NFX1: variants seen among roughly 807,000 people sequenced by gnomAD.
The protein encoded by NFX1 is transcriptional repressor NF-X1.
A neutral mutation model predicts 137.2 loss-of-function variants in NFX1; 69 were observed. The ratio of observed to expected loss-of-function variants is 0.50; its 90% CI spans 0.41 to 0.61. The LOEUF (loss-of-function observed/expected upper bound fraction) is 0.61. Ranked by LOEUF, NFX1 falls within the 20% of genes least tolerant of loss-of-function variation. The probability of loss-of-function intolerance (pLI) is 0.00; values close to 1 mark genes in which losing one functional copy is unlikely to be tolerated. For synonymous variants in NFX1, 495 were observed against 474.1 expected, an observed-to-expected ratio of 1.04 and a Z score of -0.57; for missense variants, 1,167 against 1,391.0, an observed-to-expected ratio of 0.84 and a Z score of 2.56.
At chr9:33,307,667 G>T (rs529487425) in intron 5 of NFX1, among the ~76,000 whole-genome samples, 1 of 152,074 alleles carries the variant, frequency 6.6e-6, no homozygotes, top group East Asian at 1.9e-4. Context: ...GTTTTATCCC[G>T]CATTGATATC....
rs76670044 is a variant in NFX1 at position 33,352,889 on chromosome 9, T to C, written c.2729+170T>C. On this transcript the variant is annotated intron_variant, in intron 17 of 23. Transcript: ENST00000379540. ...ACTGCACAGATACATGTGTTTATCA[T>C]AGTATCCTTGCAACTTTTCTAAAAG... 1,368 of 578,434 alleles carry C rather than the reference T, an allele frequency of 2.4e-3. 20 individuals are homozygous for C. Among genetic ancestry groups the C allele is most frequent in the African/African-American group, 0.022 (1,185 of 53,244 alleles). The allele number at this position is 578,434 out of a possible 1,614,324, so 35.8% of individuals were successfully genotyped here. A position where few individuals can be genotyped will look rare whatever the true frequency, so the allele number is the denominator to read the frequency against.
At chr9:33,346,751 GGACCATATGGCTGTGCTGCAAGA>G (rs1376175841) in intron 14 of NFX1, among the ~76,000 whole-genome samples, 1 of 152,192 alleles carries the variant, frequency 6.6e-6, no homozygotes, top group Non-Finnish European at 1.5e-5. Flanking sequence ...AGAATTGGAT[GGACCATATGGCTGTGCTGCAAGA>G]GATGAGATGG....
intron 19 of NFX1, among the ~76,000 whole-genome samples, chr9:33,356,371 C>T (rs547590153): frequency 1.3e-5 from 2 of 152,058 alleles, no homozygotes; most frequent in Admixed American, 1.3e-4. Flanking sequence ...AATATGAGTC[C>T]TTTGTTGGCT....
intron 11 of NFX1, among the ~76,000 whole-genome samples, chr9:33,335,227 CTTT>C (rs57459026): frequency 4.6e-5 from 6 of 130,502 alleles, no homozygotes; most frequent in African/African-American, 9.6e-5. Flanking sequence ...CTTTCTTTTT[CTTT>C]TTTTTTTTTT....
intron 3 of NFX1, among the ~76,000 whole-genome samples, chr9:33,302,435 C>T (rs1821604551): frequency 6.9e-6 from 1 of 144,402 alleles, no homozygotes; most frequent in South Asian, 2.2e-4. Context: ...GATCATGTCT[C>T]ACTGCAGCCT....
chr9:33,345,660 T>C (rs1427246566), intron 14 of NFX1, among the ~76,000 whole-genome samples: 1 of 152,078 alleles, frequency 6.6e-6, no homozygotes, highest in Non-Finnish European at 1.5e-5. Context: ...AACTAGCTTT[T>C]TTTCCCACTC....
Position 33,349,611 on chromosome 9 carries a change from C to T in NFX1, c.2425-1949C>T, listed in dbSNP as rs148351114. 3.8e-3 allele frequency among the ~76,000 whole-genome samples: 571 copies of T among 151,656 alleles called. 1 individual carries two copies. The highest frequency in any genetic ancestry group is 0.013 in the African/African-American group (540 of 41,288). ...GGTTCAAGACTAGCCTTTGGTCCTACGAGAGTAAAATTTCAGCAGCTTTTT... is the reference window on the plus strand; with the variant it reads ...GGTTCAAGACTAGCCTTTGGTCCTATGAGAGTAAAATTTCAGCAGCTTTTT... On this transcript the variant is annotated intron_variant, in intron 15 of 23. Transcript: ENST00000379540.
chr9:33,328,751 A>G (rs1190839267), intron 10 of NFX1, 73 bp downstream of exon 10: 1 of 1,261,364 alleles, frequency 7.9e-7, no homozygotes, highest in Non-Finnish European at 1.2e-6. Flanking sequence ...GAGGGGAGGA[A>G]TCAAAATAAC....
intron 14 of NFX1, 79 bp from the exon 15 acceptor site, chr9:33,346,959 A>G (rs1173699030): frequency 7.3e-6 from 8 of 1,095,518 alleles, no homozygotes; most frequent in South Asian, 1.6e-5. Context: ...TTCATGCCGT[A>G]TGCCACTTAT....
intron 4 of NFX1, among the ~76,000 whole-genome samples, chr9:33,305,141 A>G (rs1821708185): frequency 1.3e-5 from 2 of 152,228 alleles, no homozygotes; most frequent in Admixed American, 1.3e-4. Flanking sequence ...GGCGAATAAA[A>G]CGGTTAACTT....
chr9:33,303,238 C>T lies in NFX1; in HGVS notation c.1240C>T (p.His414Tyr). The change falls in exon 4 of 24, where the codon CAT becomes TAT. Residue 414 changes from histidine to tyrosine, a missense_variant. By Grantham distance (83) the His-to-Tyr change is moderately conservative. Coordinates refer to ENST00000379540, the MANE Select transcript of NFX1 (RefSeq NM_002504.6). ...CCCTGCCTGTCAGAATGTTTCTGCA[C>T]ATGTTCCTAATACCTACACTTGTTT... ...RCPACQNVSAHVPNTYTCFCG... is the reference protein window; with the variant it reads ...RCPACQNVSAYVPNTYTCFCG... The T allele has an allele frequency of 1.2e-6, 2 of 1,614,106 alleles. No homozygotes were observed. The highest frequency in any genetic ancestry group is 2.2e-5 in the East Asian group (1 of 44,880).
At chr9:33,361,002 A>G (rs1366532316) in intron 19 of NFX1, among the ~76,000 whole-genome samples, 2 of 152,244 alleles carry the variant, frequency 1.3e-5, no homozygotes, top group Non-Finnish European at 2.9e-5. Flanking sequence ...ACTGATGGCT[A>G]GGGCACTAAG....
chr9:33,341,516 GTGTA>G (rs1823221385), intron 12 of NFX1, among the ~76,000 whole-genome samples: 1 of 152,172 alleles, frequency 6.6e-6, no homozygotes, highest in African/African-American at 2.4e-5. Flanking sequence ...GGTAGTACGT[GTGTA>G]TGTATGTATA....
At chr9:33,296,822 C>T (rs972957520) in intron 2 of NFX1, among the ~76,000 whole-genome samples, 4 of 152,196 alleles carry the variant, frequency 2.6e-5, no homozygotes, top group Non-Finnish European at 5.9e-5. Context: ...TTATGTCTTT[C>T]TCTTAAATTT....
chr9:33,362,441 A>G (rs936832873), intron 19 of NFX1, among the ~76,000 whole-genome samples: 1 of 152,220 alleles, frequency 6.6e-6, no homozygotes, highest in African/African-American at 2.4e-5. Context: ...CATAAAAAAA[A>G]TGAAACCCTG....
At chr9:33,335,315 CCA>C (rs2118520218) in intron 11 of NFX1, among the ~76,000 whole-genome samples, 1 of 149,052 alleles carries the variant, frequency 6.7e-6, no homozygotes, top group African/African-American at 2.5e-5. Context: ...ACTGCAACCT[CCA>C]CCTCCTGGGC....
chr9:33,313,444 A>C (rs1822037409), intron 6 of NFX1, among the ~76,000 whole-genome samples: 1 of 151,968 alleles, frequency 6.6e-6, no homozygotes, highest in African/African-American at 2.4e-5. Flanking sequence ...AAAAACAAAA[A>C]CAAAAACAGA....
chr9:33,307,016 C>G (rs1332747766), intron 4 of NFX1, among the ~76,000 whole-genome samples, 178 bp from the exon 5 acceptor site: 3 of 152,098 alleles, frequency 2.0e-5, no homozygotes, highest in Admixed American at 6.5e-5. Flanking sequence ...CTCAGTGAAA[C>G]TTTTTATGAA....
chr9:33,365,116 A>G (rs1737603995), intron 21 of NFX1: 3 of 401,628 alleles, frequency 7.5e-6, no homozygotes, highest in Non-Finnish European at 1.1e-5. Context: ...TCTACTAAAA[A>G]TATAAAAATT....
Sources: allele counts gnomAD v4.1 joint callset (sites outside exome capture counted in the v4.1 genomes callset), GRCh38; gene constraint gnomAD v4.1.1; transcripts MANE v1.5; gene names NCBI Gene and HGNC (gene_info 2026-07-23, HGNC 2026-07-21).